PTPRM: variants seen among roughly 807,000 people sequenced by gnomAD.
PTPRM encodes receptor-type tyrosine-protein phosphatase mu.
PTPRM carries 47 observed loss-of-function variants against 186.7 expected under a neutral mutation model. The observed-to-expected ratio is 0.25, with a 90% CI of 0.20 to 0.32. PTPRM has a LOEUF of 0.32. Among genes scored for constraint, PTPRM ranks in the 10% least tolerant of loss-of-function variants. PTPRM has a pLI of 1.00. For synonymous variants in PTPRM, 668 were observed against 674.9 expected (o/e 0.99, Z 0.16); for missense variants, 1,494 against 1,865.0 (o/e 0.80, Z 3.66).
intron 14 of PTPRM, among the ~76,000 whole-genome samples, chr18:8,171,947 T>C (rs2093407240): frequency 6.6e-6 from 1 of 152,196 alleles, no homozygotes; most frequent in Non-Finnish European, 1.5e-5. Flanking sequence ...TTTAACTTAT[T>C]GAATACTGTG....
At chr18:8,306,494 A>C (rs1439563035) in intron 20 of PTPRM, among the ~76,000 whole-genome samples, 2 of 152,206 alleles carry the variant, frequency 1.3e-5, no homozygotes, top group Admixed American at 1.3e-4. Context: ...AGAAATACAG[A>C]TGGTAATTAA....
At chr18:8,183,945 G>T in intron 14 of PTPRM, among the ~76,000 whole-genome samples, 1 of 152,148 alleles carries the variant, frequency 6.6e-6, no homozygotes, top group South Asian at 2.1e-4. Context: ...AGTCCACTCT[G>T]GGTCTGTGAA....
Position 8,384,633 on chromosome 18 carries a change from G to C in PTPRM, c.3991G>C (p.Asp1331His). The C allele has an allele frequency of 6.2e-7, 1 of 1,614,152 alleles. No individual in the cohort carries two copies. The highest frequency in any genetic ancestry group is 8.5e-7 in the Non-Finnish European group (1 of 1,179,998). The change falls in exon 30 of 33, where the codon GAC (aspartate) becomes CAC (histidine). Residue 1331 changes from aspartate (D) to histidine (H), a missense_variant. By Grantham distance (81) the Asp-to-His change is moderately conservative (BLOSUM62 -1). This residue lies in a region of PTPRM where 1,107 missense variants were observed against 1,350.2 expected (regional missense o/e 0.82). Coordinates refer to ENST00000580170, the MANE Select transcript of PTPRM (RefSeq NM_001105244.2). Reference protein sequence around the residue: ...GPIQVEFVSADLEEDIISRIF... With the variant: ...GPIQVEFVSAHLEEDIISRIF... ...CATCCAGGTGGAATTTGTCTCTGCT[G>C]ACCTGGAAGAGGACATCATCAGCAG... is the stretch of plus-strand genomic sequence containing the variant.
intron 7 of PTPRM, among the ~76,000 whole-genome samples, chr18:7,977,053 G>T (rs2055000173): frequency 6.6e-6 from 1 of 151,882 alleles, no homozygotes; most frequent in Non-Finnish European, 1.5e-5. Context: ...CTTAGCTCCA[G>T]TTATAATGAA....
At chr18:8,036,369 G>A (rs550022796) in intron 7 of PTPRM, among the ~76,000 whole-genome samples, 5 of 152,336 alleles carry the variant, frequency 3.3e-5, no homozygotes, top group South Asian at 2.1e-4. Flanking sequence ...GTGCTTATGC[G>A]TTGGGTAAGT....
chr18:8,318,285 C>CTTTTTTT (rs140026832), intron 21 of PTPRM, among the ~76,000 whole-genome samples: 1 of 59,906 alleles, frequency 1.7e-5, no homozygotes, highest in African/African-American at 7.4e-5. Context: ...TTGTTTCCTT[C>CTTTTTTT]TTTTTTTTTT....
chr18:8,299,923 A>AC (rs892668993), intron 20 of PTPRM, among the ~76,000 whole-genome samples: 1 of 151,954 alleles, frequency 6.6e-6, no homozygotes, highest in East Asian at 1.9e-4. Context: ...ACTTTTTCTT[A>AC]CCCCCCAGGG....
intron 2 of PTPRM, among the ~76,000 whole-genome samples, chr18:7,847,034 C>T (rs2046630351): frequency 6.6e-6 from 1 of 151,408 alleles, no homozygotes; most frequent in Non-Finnish European, 1.5e-5. Context: ...GGAATCTTTG[C>T]AAGGTCCCTT....
rs77525833 is a variant in PTPRM at position 8,013,096 on chromosome 18, A to G, written c.1133-56590A>G. On this transcript the variant is annotated intron_variant, in intron 7 of 32. Coordinates refer to ENST00000580170, the MANE Select transcript of PTPRM (RefSeq NM_001105244.2). ...AGTCCCCTATCTTGGTATAAACACT[A>G]TTCTTAGGGACTTCATGTTTATAAG... is the stretch of plus-strand genomic sequence containing the variant. Among the ~76,000 whole-genome samples the G allele has an allele frequency of 1.2e-4, 18 of 152,300 alleles. No homozygotes were observed. In the East Asian group the frequency reaches 2.7e-3, roughly 23 times the overall value.
intron 2 of PTPRM, among the ~76,000 whole-genome samples, chr18:7,852,698 A>C (rs1300119879): frequency 1.3e-5 from 2 of 151,974 alleles, no homozygotes; most frequent in African/African-American, 4.8e-5. Context: ...AATAAAAAAA[A>C]GAAAAGAAAC....
chr18:8,044,985 A>C (rs1016721475), intron 7 of PTPRM, among the ~76,000 whole-genome samples: 3 of 152,180 alleles, frequency 2.0e-5, no homozygotes, highest in African/African-American at 7.2e-5. Flanking sequence ...CATCTGACCC[A>C]GTAATTCTAC....
intron 7 of PTPRM, among the ~76,000 whole-genome samples, chr18:7,992,284 CTT>C (rs987001892): frequency 2.0e-5 from 3 of 152,084 alleles, no homozygotes; most frequent in African/African-American, 7.2e-5. Context: ...TCATTCACTT[CTT>C]TGAGCATGGA....
chr18:8,079,431 A>C (rs1293639767), intron 9 of PTPRM, among the ~76,000 whole-genome samples: 1 of 152,210 alleles, frequency 6.6e-6, no homozygotes, highest in African/African-American at 2.4e-5. Context: ...AGTATTCAAA[A>C]TAAAATATCC....
At chr18:8,128,331 G>T (rs2092421899) in intron 13 of PTPRM, among the ~76,000 whole-genome samples, 1 of 152,140 alleles carries the variant, frequency 6.6e-6, no homozygotes, top group African/African-American at 2.4e-5. Flanking sequence ...ATATTAAATG[G>T]CAGAGGGGGA....
At chr18:8,361,823 G>A (rs1162969792) in intron 23 of PTPRM, among the ~76,000 whole-genome samples, 2 of 152,150 alleles carry the variant, frequency 1.3e-5, no homozygotes, top group African/African-American at 2.4e-5. Flanking sequence ...GCTTCTTTCT[G>A]TTACAGCACA....
At chr18:8,302,843 G>A (rs1444431979) in intron 20 of PTPRM, among the ~76,000 whole-genome samples, 1 of 152,002 alleles carries the variant, frequency 6.6e-6, no homozygotes, top group Non-Finnish European at 1.5e-5. Context: ...TACTGGAAGG[G>A]AACCAGCTGT....
intron 1 of PTPRM, among the ~76,000 whole-genome samples, chr18:7,585,973 TA>T (rs574508497): frequency 5.9e-4 from 90 of 152,310 alleles, no homozygotes; most frequent in African/African-American, 2.2e-3. Context: ...ATAGAATACT[TA>T]AAATTTCTAG....
In PTPRM at chr18:7,719,388, T is replaced by TG. The variant is rs1233470516; in HGVS notation, c.74-54759dup. Among the ~76,000 whole-genome samples, 9 of 136,876 alleles carry TG rather than the reference T, an allele frequency of 6.6e-5. No homozygotes were observed. The East Asian group carries it at 2.4e-3, about 37-fold the overall frequency. 89.8% of individuals were successfully genotyped at this position (136,876 alleles called of 152,430 possible). On this transcript the variant is annotated intron_variant, in intron 1 of 32. Coordinates refer to ENST00000580170, the MANE Select transcript of PTPRM (RefSeq NM_001105244.2). ...AATGGACTTTGGGGACGTGGAGGGATGGCTGGGAGGGTGTGGGTGATAAAA... is the reference window on the plus strand; with the variant it reads ...AATGGACTTTGGGGACGTGGAGGGATGGGCTGGGAGGGTGTGGGTGATAAAA...
At chr18:8,253,998 G>GCTTT (rs990932223) in intron 19 of PTPRM, among the ~76,000 whole-genome samples, 1 of 151,580 alleles carries the variant, frequency 6.6e-6, no homozygotes, top group Non-Finnish European at 1.5e-5. Context: ...ACCTTTCTTG[G>GCTTT]CTTTTCCTGT....
Sources: gnomAD v4.1 joint callset for allele counts (sites outside exome capture counted in the v4.1 genomes callset) on GRCh38, gnomAD v4.1.1 for gene constraint, gnomAD v4.1.1 regional missense constraint, MANE v1.5 for transcripts, NCBI Gene and HGNC (gene_info 2026-07-23, HGNC 2026-07-21) for gene names.